The following SUCO variants were observed in gnomAD, a reference collection of about 807,000 sequenced individuals.
SUCO encodes the protein SUN domain containing ossification factor.
Under a neutral mutation model 148.1 loss-of-function variants are expected in SUCO, and 57 were observed. The observed-to-expected ratio is 0.38, with a 90% confidence interval of 0.31 to 0.48. The LOEUF is 0.48. SUCO is among the 20% of genes least tolerant of loss of function. SUCO has a pLI of 0.96. For missense variants in SUCO, 1,331 were observed against 1,468.2 expected (o/e 0.91, Z 1.53); for synonymous variants, 470 against 502.7 (o/e 0.93, Z 0.87).
intron 17 of SUCO, among the ~76,000 whole-genome samples, chr1:172,586,592 G>A (rs1656263189): frequency 6.6e-6 from 1 of 151,930 alleles, no homozygotes; most frequent in Admixed American, 6.6e-5. Context: ...TGGATAATCA[G>A]GTAGTTATTG....
At chr1:172,585,673 A>G (rs570090096) in intron 16 of SUCO, among the ~76,000 whole-genome samples, 185 bp from the exon 17 acceptor site, 1 of 152,312 alleles carries the variant, frequency 6.6e-6, no homozygotes, top group Non-Finnish European at 1.5e-5. Context: ...GAGAAACGAT[A>G]TATATTACTT....
Position 172,557,421 on chromosome 1 carries a change from G to T in SUCO, c.581+4G>T, listed in dbSNP as rs760382528. The stretch of plus-strand genomic sequence containing the variant: ...CCTTTGTCAGTCCACCTGACAGGTG[G>T]GTAGGAGCAGTTGTTTGTCCTTCTT... On this transcript the variant is annotated splice_donor_region_variant and intron_variant, in intron 5 of 23. Transcript: ENST00000263688. 8.1e-6 allele frequency: 13 copies of T among 1,613,786 alleles called. No homozygotes were observed. The Admixed American group carries it at 1.3e-4, about 17-fold the overall frequency.
At chr1:172,555,231 C>T (rs1259265429) in intron 3 of SUCO, 2 of 167,974 alleles carry the variant, frequency 1.2e-5, no homozygotes, top group African/African-American at 4.8e-5. Context: ...GTTATAGATG[C>T]AGTGATAAAA....
At chr1:172,564,536 A>T (rs1021877067) in intron 6 of SUCO, among the ~76,000 whole-genome samples, 1 of 151,662 alleles carries the variant, frequency 6.6e-6, no homozygotes, top group African/African-American at 2.4e-5. Context: ...TTCCACCATG[A>T]TTGTAAGTTT....
rs538859684 is a variant in SUCO, at chr1:172,538,971, T to C, written c.62+5474T>C. ...AATGACGTGTTTCATGTTGGTCCTT[T>C]ATGTTATTAAACATTTGAGGATATA... On this transcript the variant is annotated intron_variant, in intron 1 of 23. Coordinates refer to ENST00000263688, the MANE Select transcript of SUCO (RefSeq NM_014283.5). Among the ~76,000 whole-genome samples the C allele has an allele frequency of 3.1e-4, 47 of 152,354 alleles. No individual in the cohort carries two copies. The South Asian group carries it at 9.5e-3, about 31-fold the overall frequency.
chr1:172,577,848 G>GT, intron 13 of SUCO, 29 bp downstream of exon 13: 1 of 1,550,828 alleles, frequency 6.4e-7, no homozygotes, highest in South Asian at 1.2e-5. Flanking sequence ...CATTTATTGA[G>GT]TTTTTAAAAA....
At chr1:172,595,442 G>T (rs1657023548) in intron 19 of SUCO, among the ~76,000 whole-genome samples, 1 of 152,144 alleles carries the variant, frequency 6.6e-6, no homozygotes, top group African/African-American at 2.4e-5. Context: ...CACTTTTCGT[G>T]CTTCCTTCAG....
In SUCO at chr1:172,580,140, ATC is replaced by A. The variant is rs563257373; in HGVS notation, c.1498+878_1498+879del. On this transcript the variant is annotated intron_variant, in intron 15 of 23. Transcript: ENST00000263688. Reference sequence around the variant, plus strand: ...ATATAGAGTTAAAATTACCTCTTTCATCTCTCCTTCTAGCCTTTTCTTTCTTT... The same window carrying A: ...ATATAGAGTTAAAATTACCTCTTTCATCTCCTTCTAGCCTTTTCTTTCTTT... 3.3e-3 allele frequency among the ~76,000 whole-genome samples: 509 copies of A among 152,010 alleles called. 2 individuals carry two copies. Among genetic ancestry groups the A allele is most frequent in the Non-Finnish European group, 5.3e-3 (360 of 67,912 alleles).
intron 11 of SUCO, 27 bp from the exon 12 acceptor site, chr1:172,577,507 ATTTCT>A (rs1558195075): frequency 3.1e-6 from 5 of 1,604,260 alleles, no homozygotes; most frequent in East Asian, 2.2e-5. Flanking sequence ...TTTGGAACTG[ATTTCT>A]TTTTCTTTTC....
chr1:172,567,966 A>G (rs1369395576), intron 6 of SUCO, among the ~76,000 whole-genome samples: 1 of 152,188 alleles, frequency 6.6e-6, no homozygotes, highest in African/African-American at 2.4e-5. Flanking sequence ...AGCAGCAGGT[A>G]AGCAAGCATT....
rs75649845 is a variant in SUCO at position 172,577,854 on chromosome 1, A to T, written c.1340+35A>T. On this transcript the variant is annotated intron_variant, in intron 13 of 23. Coordinates refer to ENST00000263688, the MANE Select transcript of SUCO (RefSeq NM_014283.5). ...AACAAAATACATTTATTGAGTTTTT[A>T]AAAAAATTGATATACAAAATTTTCG... The T allele has an allele frequency of 2.2e-3, 3,300 of 1,522,952 alleles. 75 individuals carry two copies. In the African/African-American group the frequency reaches 0.039, roughly 18 times the overall value. The allele number at this position is 1,522,952 out of a possible 1,614,324, so 94.3% of individuals were successfully genotyped here. A position where few individuals can be genotyped will look rare whatever the true frequency, so the allele number is the denominator to read the frequency against.
intron 21 of SUCO, 35 bp downstream of exon 21, chr1:172,602,253 T>C: frequency 6.5e-7 from 1 of 1,527,872 alleles, no homozygotes; most frequent in Non-Finnish European, 8.8e-7. Context: ...ATTTTATTTT[T>C]TTTACTATGC....
At chr1:172,537,992 G>A (rs1380543741) in intron 1 of SUCO, among the ~76,000 whole-genome samples, 1 of 152,188 alleles carries the variant, frequency 6.6e-6, no homozygotes, top group East Asian at 1.9e-4. Context: ...TATCTAGAGC[G>A]TGAGTGTATG....
At chr1:172,568,620 T>C (rs1358366917) in intron 6 of SUCO, among the ~76,000 whole-genome samples, 1 of 152,208 alleles carries the variant, frequency 6.6e-6, no homozygotes, top group Non-Finnish European at 1.5e-5. Flanking sequence ...GTGGAAATAA[T>C]ATTAAAACAT....
At chr1:172,599,607 C>A in intron 19 of SUCO, 1 of 169,282 alleles carries the variant, frequency 5.9e-6, no homozygotes, top group Non-Finnish European at 1.2e-5. Context: ...ATATAATATG[C>A]TATGAAGGAA....
At chr1:172,548,605 T>C (rs1653043191) in intron 1 of SUCO, among the ~76,000 whole-genome samples, 1 of 152,050 alleles carries the variant, frequency 6.6e-6, no homozygotes, top group African/African-American at 2.4e-5. Flanking sequence ...TTTCATAATA[T>C]TGTTTCCTCT....
intron 13 of SUCO, 109 bp from the exon 14 acceptor site, chr1:172,578,189 C>T (rs1655598409): frequency 1.3e-6 from 1 of 792,682 alleles, no homozygotes; most frequent in South Asian, 1.6e-5. Context: ...GTCCAAAAGC[C>T]AGTGGCCCTC....
At chr1:172,551,078 C>A in intron 1 of SUCO, 1 of 164,162 alleles carries the variant, frequency 6.1e-6, no homozygotes, top group Non-Finnish European at 1.3e-5. Flanking sequence ...TTTGATATCA[C>A]TGTTAGGTTC....
intron 19 of SUCO, among the ~76,000 whole-genome samples, chr1:172,596,777 A>T (rs943025252): frequency 6.6e-6 from 1 of 152,214 alleles, no homozygotes; most frequent in Non-Finnish European, 1.5e-5. Context: ...CTCAGATCTC[A>T]AACTCCATGC....
Sources: allele counts gnomAD v4.1 joint callset (sites outside exome capture counted in the v4.1 genomes callset), GRCh38; gene constraint gnomAD v4.1.1; transcripts MANE v1.5; gene names NCBI Gene and HGNC (gene_info 2026-07-23, HGNC 2026-07-21).